Variants in SORCS2 observed in about 807,000 individuals in gnomAD.
SORCS2 encodes VPS10 domain-containing receptor SorCS2.
In SORCS2, 100 loss-of-function variants were observed where a neutral mutation model predicts 141.6. The observed-to-expected ratio is 0.71, with a 90% CI of 0.60 to 0.83. SORCS2 has a LOEUF of 0.83. Ranked by LOEUF, SORCS2 falls within the 40% of genes least tolerant of loss-of-function variation. The pLI, the probability that SORCS2 is intolerant of heterozygous loss-of-function variation, is 0.00. For missense variants in SORCS2, 1,646 were observed against 1,560.2 expected (o/e 1.05, Z -0.93); for synonymous variants, 789 against 676.9 (o/e 1.17, Z -2.57).
chr4:7,706,222 G>T lies in SORCS2; in HGVS notation c.1868+1938G>T, dbSNP rs1415670025. ...AGGGATGAGGCTGGGCTCCGTCTGGGCAGGGATGAGGCTGCGCTCCGCCTG... is the reference window on the plus strand; with the variant it reads ...AGGGATGAGGCTGGGCTCCGTCTGGTCAGGGATGAGGCTGCGCTCCGCCTG... On this transcript the variant is annotated intron_variant, in intron 14 of 26. Transcript: ENST00000507866. Among the ~76,000 whole-genome samples the T allele has an allele frequency of 2.7e-5, 3 of 111,952 alleles. 1 individual carries two copies. The highest frequency in any genetic ancestry group is 5.7e-5 in the Non-Finnish European group (3 of 52,640). The allele number at this position is 111,952 out of a possible 152,430, so 73.4% of individuals were successfully genotyped here. A position where few individuals can be genotyped will look rare whatever the true frequency, so the allele number is the denominator to read the frequency against.
chr4:7,585,922 C>A (rs6843672), intron 3 of SORCS2, among the ~76,000 whole-genome samples: 9,800 of 152,308 alleles, frequency 0.064, 469 homozygotes, highest in African/African-American at 0.12. Context: ...TAATACTTAG[C>A]CTTATAGAGG....
At chr4:7,451,044 G>A (rs554710507) in intron 2 of SORCS2, among the ~76,000 whole-genome samples, 13 of 152,226 alleles carry the variant, frequency 8.5e-5, no homozygotes, top group African/African-American at 3.1e-4. Context: ...GAGTGAATGA[G>A]TGAGTGAATA....
At chr4:7,600,532 G>A (rs927984223) in intron 3 of SORCS2, among the ~76,000 whole-genome samples, 1 of 152,146 alleles carries the variant, frequency 6.6e-6, no homozygotes, top group Non-Finnish European at 1.5e-5. Context: ...CCGGCTGGCA[G>A]GGGAGGCAGA....
At chr4:7,361,265 A>G (rs1345849479) in intron 1 of SORCS2, among the ~76,000 whole-genome samples, 1 of 152,200 alleles carries the variant, frequency 6.6e-6, no homozygotes, top group Non-Finnish European at 1.5e-5. Flanking sequence ...TCGTGGAAAT[A>G]TTGTCAAGGC....
At chr4:7,344,802 T>C (rs1454667685) in intron 1 of SORCS2, among the ~76,000 whole-genome samples, 2 of 152,178 alleles carry the variant, frequency 1.3e-5, no homozygotes, top group African/African-American at 4.8e-5. Flanking sequence ...TCACCCCTGA[T>C]TCCCCCGTGT....
chr4:7,547,293 C>T (rs1713337786), intron 3 of SORCS2, among the ~76,000 whole-genome samples: 2 of 152,198 alleles, frequency 1.3e-5, no homozygotes, highest in South Asian at 2.1e-4. Flanking sequence ...AAGCTGACTC[C>T]AGCAGCCTCC....
intron 2 of SORCS2, among the ~76,000 whole-genome samples, chr4:7,466,722 A>T (rs1729640482): frequency 6.6e-6 from 1 of 152,142 alleles, no homozygotes; most frequent in Admixed American, 6.5e-5. Context: ...CACTACATAC[A>T]GGGTGTGGAA....
chr4:7,713,794 G>A (rs1000133566), intron 15 of SORCS2, among the ~76,000 whole-genome samples: 3 of 152,160 alleles, frequency 2.0e-5, no homozygotes, highest in East Asian at 1.9e-4. Context: ...ACAGGCCACC[G>A]GGCATCCTCA....
intron 1 of SORCS2, among the ~76,000 whole-genome samples, chr4:7,323,626 C>T (rs1449682828): frequency 6.6e-6 from 1 of 152,092 alleles, no homozygotes; most frequent in South Asian, 2.1e-4. Context: ...ACTCAGGAAT[C>T]CCTTCAGTCA....
At chr4:7,311,112 G>A (rs970775477) in intron 1 of SORCS2, among the ~76,000 whole-genome samples, 4 of 151,792 alleles carry the variant, frequency 2.6e-5, no homozygotes, top group Non-Finnish European at 4.4e-5. Flanking sequence ...CCTCCTCCCA[G>A]ACACCCACTG....
chr4:7,537,875 A>C (rs563108460), intron 3 of SORCS2, among the ~76,000 whole-genome samples: 67 of 152,176 alleles, frequency 4.4e-4, no homozygotes, highest in Non-Finnish European at 3.8e-4. Context: ...GGTCCCAGCT[A>C]CTCAGGAGGC....
intron 2 of SORCS2, among the ~76,000 whole-genome samples, chr4:7,398,974 A>G (rs13125483): frequency 0.19 from 28,279 of 152,250 alleles, 2,916 homozygotes; most frequent in Non-Finnish European, 0.23. Context: ...AGTGCCCTGC[A>G]TCCTGCTGGC....
In SORCS2 at chr4:7,519,588, TC is replaced by T. The variant is rs1733195508; in HGVS notation, c.549-11940del. ...GAAGCTGTGTCTGCCATTTTCACCT[TC>T]CAGCGCTGCTGCCTGTGCCTGTAAA... On this transcript the variant is annotated intron_variant, in intron 2 of 26. Coordinates refer to ENST00000507866, the MANE Select transcript of SORCS2 (RefSeq NM_020777.3). 5.3e-5 allele frequency among the ~76,000 whole-genome samples: 8 copies of T among 152,274 alleles called. No individual in the cohort carries two copies. The South Asian group carries it at 1.7e-3, about 32-fold the overall frequency.
At chr4:7,528,966 C>T (rs867648066) in intron 2 of SORCS2, among the ~76,000 whole-genome samples, 1 of 152,178 alleles carries the variant, frequency 6.6e-6, no homozygotes, top group Non-Finnish European at 1.5e-5. Flanking sequence ...TCTGTCTGTG[C>T]GCGGCCTTCT....
chr4:7,664,339 C>A lies in SORCS2; in HGVS notation c.953-14C>A, dbSNP rs753489413. 113 of 1,609,054 alleles carry A rather than the reference C, an allele frequency of 7.0e-5. No homozygotes were observed. Among genetic ancestry groups the A allele is most frequent in the Non-Finnish European group, 9.2e-5 (108 of 1,176,674 alleles). On this transcript the variant is annotated splice_polypyrimidine_tract_variant and intron_variant, in intron 6 of 26. Coordinates refer to ENST00000507866, the MANE Select transcript of SORCS2 (RefSeq NM_020777.3). This position sits in a 1 kb window ranked among gnomAD's most constrained non-coding sequence, Gnocchi z 4.7. The stretch of plus-strand genomic sequence containing the variant: ...TGGAGTCTGACCGCCTGGGTCGGCG[C>A]CTCTCTCCTGTAGATTTTCGGTACG...
chr4:7,230,693 C>T (rs62289716), intron 1 of SORCS2, among the ~76,000 whole-genome samples: 76 of 137,386 alleles, frequency 5.5e-4, no homozygotes, highest in African/African-American at 9.3e-4. Flanking sequence ...TGGGCAGGAG[C>T]AGTGTCATGT....
At chr4:7,293,030 G>A (rs1054151567) in intron 1 of SORCS2, among the ~76,000 whole-genome samples, 30 of 152,028 alleles carry the variant, frequency 2.0e-4, no homozygotes, top group African/African-American at 5.8e-4. Context: ...GAGGCTGGGC[G>A]TGGTGGCTCA....
intron 3 of SORCS2, among the ~76,000 whole-genome samples, chr4:7,598,431 T>G (rs1263747047): frequency 6.6e-6 from 1 of 152,168 alleles, no homozygotes; most frequent in East Asian, 1.9e-4. Flanking sequence ...GGACATGTCT[T>G]TATCTAGTCC....
Position 7,742,661 on chromosome 4 carries a change from G to C in SORCS2, c.*2397G>C, listed in dbSNP as rs1034695905. ...CGTGTCTGTCCCTGGTTGTAAATTC[G>C]AGGGTCTGCATATCTGATGTTCAGG... On this transcript the variant is annotated 3_prime_UTR_variant, in exon 27 of 27. Coordinates refer to ENST00000507866, the MANE Select transcript of SORCS2 (RefSeq NM_020777.3). The C allele has an allele frequency of 1.3e-5, 2 of 152,236 alleles. No individual in the cohort carries two copies. The highest frequency in any genetic ancestry group is 2.9e-5 in the Non-Finnish European group (2 of 68,046). 9.4% of individuals were successfully genotyped at this position (152,236 alleles called of 1,614,324 possible). A position where few individuals can be genotyped will look rare whatever the true frequency, so the allele number is the denominator to read the frequency against.
Sources: gnomAD v4.1 joint callset for allele counts (sites outside exome capture counted in the v4.1 genomes callset) on GRCh38, gnomAD v4.1.1 for gene constraint, Gnocchi (gnomAD v3.1) non-coding constraint, MANE v1.5 for transcripts, NCBI Gene and HGNC (gene_info 2026-07-23, HGNC 2026-07-21) for gene names.